The following CARHSP1 variants were observed in gnomAD, a reference collection of about 807,000 sequenced individuals.
CARHSP1 encodes calcium-regulated heat-stable protein 1.
Under a neutral mutation model 12.5 loss-of-function variants are expected in CARHSP1, and 14 were observed. That is an observed-to-expected ratio of 1.12 (90% CI 0.74 to 1.75). The LOEUF (loss-of-function observed/expected upper bound fraction) is 1.75, where lower values mean the gene tolerates loss of function less well. CARHSP1 is among the 40% of genes most tolerant of loss of function. CARHSP1 has a pLI of 0.00. For missense variants in CARHSP1, 343 were observed against 201.6 expected (o/e 1.70, Z -4.25); for synonymous variants, 161 against 82.0 (o/e 1.96, Z -5.20).
intron 1 of CARHSP1, chr16:8,861,820 C>T: frequency 8.4e-7 from 1 of 1,197,032 alleles, no homozygotes; most frequent in Non-Finnish European, 1.1e-6. Flanking sequence ...TGTTCAACGC[C>T]CAGAGTTCCA....
rs765690043 is a variant in CARHSP1 at position 8,855,252 on chromosome 16, T to C, written c.356A>G (p.Glu119Gly). 6.2e-7 allele frequency: 1 copy of C among 1,613,206 alleles called. No homozygotes were observed. Among genetic ancestry groups the C allele is most frequent in the Non-Finnish European group, 8.5e-7 (1 of 1,179,480 alleles). ...YKMCSIPPKN[E>G]KLQAVEVVIT... is the part of the protein sequence containing the mutation. ...GACGACCTCCACGGCCTGCAGCTTC[T>C]CATTCTTGGGTGGGATGGAGCACAT... is the stretch of plus-strand genomic sequence containing the variant. The change falls in exon 4 of 4, where the codon GAG becomes GGG. Residue 119 changes from glutamate (E) to glycine (G), a missense_variant. Glu to Gly is a moderately conservative substitution (Grantham distance 98). Transcript: ENST00000311052.
chr16:8,861,727 C>G, intron 1 of CARHSP1: 2 of 1,287,594 alleles, frequency 1.6e-6, no homozygotes, highest in South Asian at 2.5e-5. Flanking sequence ...CCGGGGAGCC[C>G]CCACCTCAAA....
At chr16:8,861,742 C>T (rs2141115391) in intron 1 of CARHSP1, 1 of 1,286,344 alleles carries the variant, frequency 7.8e-7, no homozygotes. Flanking sequence ...CTCAAAAAGG[C>T]CCCAGCTGCT....
rs1209493899 is a variant in CARHSP1 at position 8,853,527 on chromosome 16, C to A, written c.*1637G>T. 1 of 152,190 alleles carries A rather than the reference C, an allele frequency of 6.6e-6. No individual in the cohort carries two copies. The highest frequency in any genetic ancestry group is 1.5e-5 in the Non-Finnish European group (1 of 68,046). The allele number at this position is 152,190 out of a possible 1,614,324, so 9.4% of individuals were successfully genotyped here. A position where few individuals can be genotyped will look rare whatever the true frequency, so the allele number is the denominator to read the frequency against. On this transcript the variant is annotated 3_prime_UTR_variant, in exon 4 of 4. Transcript: ENST00000311052. ...AACAACTCCCTTCCACCCCCTTAGG[C>A]TGAAAGGACAAACTCATCAGAGTTG... is the stretch of plus-strand genomic sequence containing the variant.
intron 1 of CARHSP1, among the ~76,000 whole-genome samples, chr16:8,862,325 C>G (rs1012859726): frequency 2.0e-5 from 3 of 152,052 alleles, no homozygotes; most frequent in Non-Finnish European, 2.9e-5. Flanking sequence ...CAAAATAATA[C>G]ACACTAAGCA....
rs1451989474 is a variant in CARHSP1 at position 8,866,446 on chromosome 16, T to C, written c.-8+2520A>G. 3.0e-6 allele frequency: 3 copies of C among 985,230 alleles called. No individual in the cohort carries two copies. The African/African-American group carries it at 5.2e-5, about 17-fold the overall frequency. 61.0% of individuals were successfully genotyped at this position (985,230 alleles called of 1,614,324 possible). A position where few individuals can be genotyped will look rare whatever the true frequency, so the allele number is the denominator to read the frequency against. On this transcript the variant is annotated intron_variant, in intron 1 of 3. Transcript: ENST00000311052. The stretch of plus-strand genomic sequence containing the variant: ...CCTTAGTGCACCTGGGTTCCTCCTT[T>C]GTAAACAGACAGAGACACTGAGCTG...
chr16:8,855,505 C>T lies in CARHSP1; in HGVS notation c.282-179G>A, dbSNP rs79729608. Among the ~76,000 whole-genome samples the T allele has an allele frequency of 8.9e-3, 1,352 of 152,306 alleles. 35 individuals are homozygous for T. The highest frequency in any genetic ancestry group is 0.031 in the African/African-American group (1,284 of 41,564). Reference sequence around the variant, plus strand: ...GAGGGAGCTGCCACACTGCCCCCAGCCTCTGTCCTAGGCAAGGAGGCCCTG... The same window carrying T: ...GAGGGAGCTGCCACACTGCCCCCAGTCTCTGTCCTAGGCAAGGAGGCCCTG... On this transcript the variant is annotated intron_variant, in intron 3 of 3. Coordinates refer to ENST00000311052, the MANE Select transcript of CARHSP1 (RefSeq NM_014316.4).
At position 8,854,532 on chromosome 16, in the gene CARHSP1, C is replaced by G. The variant is rs768585588; in HGVS notation, c.*632G>C. 1.3e-5 allele frequency: 2 copies of G among 152,736 alleles called. No individual in the cohort carries two copies. Among genetic ancestry groups the G allele is most frequent in the Admixed American group, 6.5e-5 (1 of 15,286 alleles). The allele number at this position is 152,736 out of a possible 1,614,324, so 9.5% of individuals were successfully genotyped here. A position where few individuals can be genotyped will look rare whatever the true frequency, so the allele number is the denominator to read the frequency against. On this transcript the variant is annotated 3_prime_UTR_variant, in exon 4 of 4. Transcript: ENST00000311052. ...TGCTGGGAGAACTGTCTTCCCCAGACAGGCAGCTATGCCGCCTCCCACTGC... is the reference window on the plus strand; with the variant it reads ...TGCTGGGAGAACTGTCTTCCCCAGAGAGGCAGCTATGCCGCCTCCCACTGC...
intron 1 of CARHSP1, 56 bp downstream of exon 1, chr16:8,868,887 GCCGAGGCCCCACCCCTGCGGCTC>G (rs2061488121): frequency 6.6e-6 from 1 of 152,178 alleles, no homozygotes; most frequent in East Asian, 2.0e-4. Context: ...GGCAGAGGAG[GCCGAGGCCCCACCCCTGCGGCTC>G]CCGGGGCCGC....
rs756390920 is a variant in CARHSP1, at chr16:8,857,263, G to GTTTTTTTTT, written c.281+1078_281+1086dup. ...TGGCTATGTGATCTTGGGCAGATCT[G>GTTTTTTTTT]TTTTTTTTTTTTTTTTTTTTTTTTT... On this transcript the variant is annotated intron_variant, in intron 3 of 3. Coordinates refer to ENST00000311052, the MANE Select transcript of CARHSP1 (RefSeq NM_014316.4). Among the ~76,000 whole-genome samples the GTTTTTTTTT allele has an allele frequency of 1.2e-3, 70 of 57,016 alleles. 11 individuals are homozygous for GTTTTTTTTT. Among genetic ancestry groups the GTTTTTTTTT allele is most frequent in the Non-Finnish European group, 1.3e-3 (36 of 26,894 alleles). 37.4% of individuals were successfully genotyped at this position (57,016 alleles called of 152,430 possible).
At chr16:8,861,715 G>T (rs1341481555) in intron 1 of CARHSP1, 1 of 1,288,246 alleles carries the variant, frequency 7.8e-7, no homozygotes, top group East Asian at 5.6e-5. Flanking sequence ...GAACTCCTGA[G>T]TCCGGGGAGC....
At chr16:8,858,228 A>T (rs1397413601) in intron 3 of CARHSP1, 122 bp downstream of exon 3, 9 of 1,200,664 alleles carry the variant, frequency 7.5e-6, no homozygotes, top group South Asian at 1.5e-5. Context: ...AGGCAGAGTC[A>T]CACAGGCCCA....
intron 1 of CARHSP1, chr16:8,868,363 T>C (rs2061481906): frequency 6.6e-6 from 1 of 152,122 alleles, no homozygotes; most frequent in Non-Finnish European, 1.5e-5. Flanking sequence ...AGGGGGCCTG[T>C]GGGCGCGGGT....
At chr16:8,859,550 C>A (rs549569288) in intron 1 of CARHSP1, among the ~76,000 whole-genome samples, 47 of 152,038 alleles carry the variant, frequency 3.1e-4, no homozygotes, top group Non-Finnish European at 5.4e-4. Flanking sequence ...CATAGCTCTT[C>A]ATGAAAATGC....
intron 1 of CARHSP1, chr16:8,859,998 G>A (rs1213407518): frequency 3.7e-6 from 1 of 270,682 alleles, no homozygotes; most frequent in Non-Finnish European, 5.7e-6. Flanking sequence ...CCCAAAGCCA[G>A]GGAGATTTTA....
At position 8,859,277 on chromosome 16, in the gene CARHSP1, C is replaced by G. The variant is rs150149549; in HGVS notation, c.52G>C (p.Val18Leu). 82 of 1,602,760 alleles carry G rather than the reference C, an allele frequency of 5.1e-5. No individual in the cohort carries two copies. The African/African-American group carries it at 1.0e-3, about 21-fold the overall frequency. ...PPQPPTHQASVGLLDTPRSRE... is the reference protein window; with the variant it reads ...PPQPPTHQASLGLLDTPRSRE... Reference sequence around the variant, plus strand: ...CTCCGAGGGGTGTCCAGCAGCCCGACTGAAGCTTGATGGGTGGGGGGCTGT... The same window carrying G: ...CTCCGAGGGGTGTCCAGCAGCCCGAGTGAAGCTTGATGGGTGGGGGGCTGT... The change falls in exon 2 of 4, where the codon GTC (valine) becomes CTC (leucine). Residue 18 changes from valine to leucine, a missense_variant. Transcript: ENST00000311052.
At chr16:8,866,405 C>T in intron 1 of CARHSP1, 2 of 981,686 alleles carry the variant, frequency 2.0e-6, no homozygotes, top group Non-Finnish European at 2.4e-6. Context: ...GAGACTCTAG[C>T]AGAGTAGCGA....
rs1447277724 is a variant in CARHSP1 at position 8,858,486 on chromosome 16, G to A, written c.159-14C>T. 5.0e-6 allele frequency: 8 copies of A among 1,612,422 alleles called. No homozygotes were observed. Among genetic ancestry groups the A allele is most frequent in the South Asian group, 1.1e-5 (1 of 91,044 alleles). The stretch of plus-strand genomic sequence containing the variant: ...GCCCGCACCGTCCTGACAGAGAGGG[G>A]GAAATGTCAGGGGCCCCATCAGCGC... On this transcript the variant is annotated splice_polypyrimidine_tract_variant and intron_variant, in intron 2 of 3. Transcript: ENST00000311052.
At chr16:8,864,289 C>T (rs1250990557) in intron 1 of CARHSP1, among the ~76,000 whole-genome samples, 2 of 152,036 alleles carry the variant, frequency 1.3e-5, no homozygotes, top group Non-Finnish European at 2.9e-5. Flanking sequence ...TGCACACGTC[C>T]ATGGAGCGGG....
Sources: gnomAD v4.1 joint callset for allele counts (sites outside exome capture counted in the v4.1 genomes callset) on GRCh38, gnomAD v4.1.1 for gene constraint, MANE v1.5 for transcripts, NCBI Gene and HGNC (gene_info 2026-07-23, HGNC 2026-07-21) for gene names.